PRDM5: variants seen among roughly 807,000 people sequenced by gnomAD.
The protein encoded by PRDM5 is PR domain zinc finger protein 5.
In PRDM5, 56 loss-of-function variants were observed where a neutral mutation model predicts 81.2. That is an observed-to-expected ratio of 0.69 (90% CI 0.56 to 0.86). The LOEUF is 0.86. Ranked by LOEUF, PRDM5 falls within the 40% of genes least tolerant of loss-of-function variation. The pLI, the probability that PRDM5 is intolerant of heterozygous loss-of-function variation, is 0.00. For missense variants in PRDM5, 697 were observed against 770.1 expected, an observed-to-expected ratio of 0.91 and a Z score of 1.12; for synonymous variants, 267 against 256.4, an observed-to-expected ratio of 1.04 and a Z score of -0.39.
chr4:120,732,308 A>T (rs116125876), intron 14 of PRDM5, among the ~76,000 whole-genome samples: 5,445 of 152,314 alleles, frequency 0.036, 126 homozygotes, highest in African/African-American at 0.061. Context: ...GATCAATAAA[A>T]AGTTACTCAT....
chr4:120,901,745 T>C (rs1431409339), intron 2 of PRDM5, among the ~76,000 whole-genome samples: 1 of 152,236 alleles, frequency 6.6e-6, no homozygotes, highest in Non-Finnish European at 1.5e-5. Context: ...AATTAAGATA[T>C]TTTACTTGAA....
chr4:120,786,927 T>C (rs762043422), intron 10 of PRDM5, among the ~76,000 whole-genome samples: 3 of 152,220 alleles, frequency 2.0e-5, no homozygotes, highest in Non-Finnish European at 2.9e-5. Flanking sequence ...ACGCTATGCG[T>C]TTCATGCCTC....
intron 2 of PRDM5, among the ~76,000 whole-genome samples, chr4:120,888,824 G>C (rs1236927681): frequency 6.6e-6 from 1 of 152,098 alleles, no homozygotes; most frequent in South Asian, 2.1e-4. Context: ...CTTTTGATTC[G>C]CATTTCCCAG....
intron 2 of PRDM5, among the ~76,000 whole-genome samples, chr4:120,871,292 G>T (rs1761758740): frequency 6.6e-6 from 1 of 152,162 alleles, no homozygotes; most frequent in African/African-American, 2.4e-5. Flanking sequence ...ACAACTATCT[G>T]CTTCTGTTCT....
chr4:120,810,269 A>G (rs1022167174), intron 8 of PRDM5, among the ~76,000 whole-genome samples: 8 of 152,172 alleles, frequency 5.3e-5, no homozygotes, highest in African/African-American at 1.9e-4. Context: ...AATAAATCAT[A>G]GAATTATAAA....
intron 2 of PRDM5, among the ~76,000 whole-genome samples, chr4:120,885,187 A>G (rs927524354): frequency 3.3e-5 from 5 of 150,916 alleles, no homozygotes; most frequent in Middle Eastern, 3.2e-3. Context: ...CATACGACAC[A>G]TTACCCACCT....
intron 3 of PRDM5, among the ~76,000 whole-genome samples, chr4:120,831,878 C>A (rs550646154): frequency 3.3e-5 from 5 of 152,028 alleles, no homozygotes; most frequent in Non-Finnish European, 5.9e-5. Context: ...CATACTGGGG[C>A]CAACTTTTAT....
intron 13 of PRDM5, among the ~76,000 whole-genome samples, chr4:120,767,745 C>T (rs1041059778): frequency 1.4e-4 from 21 of 152,186 alleles, no homozygotes; most frequent in African/African-American, 5.1e-4. Flanking sequence ...GCTGTGTCCC[C>T]ACCCAAATCA....
At chr4:120,785,986 G>C (rs1309799663) in intron 10 of PRDM5, among the ~76,000 whole-genome samples, 1 of 151,944 alleles carries the variant, frequency 6.6e-6, no homozygotes, top group African/African-American at 2.4e-5. Flanking sequence ...GCACAAATCA[G>C]TAAATAAAAT....
In PRDM5 at chr4:120,797,358, G is replaced by A. The variant is rs548292126; in HGVS notation, c.1188+909C>T. ...ATTAGAGTATGAGAGTGATATACCA[G>A]AGTGATGCTTTGGGATGATTTGCCT... On this transcript the variant is annotated intron_variant, in intron 10 of 15. Coordinates refer to ENST00000264808, the MANE Select transcript of PRDM5 (RefSeq NM_018699.4). Among the ~76,000 whole-genome samples the A allele has an allele frequency of 2.0e-5, 3 of 152,244 alleles. No homozygotes were observed. The East Asian group carries it at 5.8e-4, about 29-fold the overall frequency.
At chr4:120,913,756 G>A (rs921340859) in intron 1 of PRDM5, among the ~76,000 whole-genome samples, 2 of 152,178 alleles carry the variant, frequency 1.3e-5, no homozygotes, top group Non-Finnish European at 2.9e-5. Flanking sequence ...TAATAAAGTA[G>A]AGGACAGCAG....
Position 120,907,511 on chromosome 4 carries a change from T to G in PRDM5, c.140A>C (p.Asp47Ala), listed in dbSNP as rs774849667. 1.2e-6 allele frequency: 2 copies of G among 1,612,768 alleles called. No individual in the cohort carries two copies. Among genetic ancestry groups the G allele is most frequent in the Non-Finnish European group, 1.7e-6 (2 of 1,178,900 alleles). The change falls in exon 2 of 16, where the codon GAC becomes GCC. Residue 47 changes from aspartate to alanine, a missense_variant. Asp to Ala is a moderately radical substitution (Grantham distance 126). Transcript: ENST00000264808. ...CCTGTAATCCATATTTTCATCCAAG[T>G]CTTCAGGCATTCTCTTCTCTCCAGC... The part of the protein sequence containing the change: ...PFAGEKRMPE[D>A]LDENMDYRLM...
At chr4:120,772,583 G>A (rs1203535500) in intron 13 of PRDM5, among the ~76,000 whole-genome samples, 1 of 152,172 alleles carries the variant, frequency 6.6e-6, no homozygotes, top group Non-Finnish European at 1.5e-5. Flanking sequence ...ATAGTTGGAA[G>A]CAATACCAGT....
chr4:120,740,328 A>G (rs575707933), intron 14 of PRDM5, among the ~76,000 whole-genome samples: 3 of 152,366 alleles, frequency 2.0e-5, no homozygotes, highest in African/African-American at 7.2e-5. Flanking sequence ...ATAATAAACT[A>G]TTCTTAAAAG....
chr4:120,726,521 T>C (rs1000902962), intron 14 of PRDM5, among the ~76,000 whole-genome samples: 1 of 152,240 alleles, frequency 6.6e-6, no homozygotes, highest in African/African-American at 2.4e-5. Flanking sequence ...TCTCTCCTTT[T>C]ACAATTGCAG....
At chr4:120,686,442 G>T (rs72915523) in intron 1 of PRDM5, among the ~76,000 whole-genome samples, 252 of 152,078 alleles carry the variant, frequency 1.7e-3, no homozygotes, top group African/African-American at 5.7e-3. Context: ...AAACTGTTCA[G>T]GATATTTCGT....
intron 3 of PRDM5, among the ~76,000 whole-genome samples, chr4:120,832,696 T>G (rs1756868267): frequency 6.6e-6 from 1 of 152,008 alleles, no homozygotes; most frequent in Admixed American, 6.6e-5. Context: ...GAGAAAAAAA[T>G]TGTCATTTCC....
At chr4:120,816,731 C>A (rs1302939927) in intron 6 of PRDM5, 101 bp downstream of exon 6, 2 of 1,516,532 alleles carry the variant, frequency 1.3e-6, no homozygotes, top group Non-Finnish European at 1.8e-6. Context: ...CATTTAAATT[C>A]TGTAGGTATG....
intron 3 of PRDM5, among the ~76,000 whole-genome samples, chr4:120,836,019 A>C (rs1288040210): frequency 1.3e-5 from 2 of 152,112 alleles, no homozygotes; most frequent in Non-Finnish European, 2.9e-5. Flanking sequence ...GCCAGAGGGA[A>C]GCAGAAACCA....
Sources: allele counts gnomAD v4.1 joint callset (sites outside exome capture counted in the v4.1 genomes callset), GRCh38; gene constraint gnomAD v4.1.1; transcripts MANE v1.5; gene names NCBI Gene and HGNC (gene_info 2026-07-23, HGNC 2026-07-21).